Variants in GABRB2 observed in about 807,000 individuals in gnomAD.
The protein encoded by GABRB2 is gamma-aminobutyric acid receptor subunit beta-2.
A neutral mutation model predicts 54.7 loss-of-function variants in GABRB2; 16 were observed. That is an observed-to-expected ratio of 0.29 (90% CI 0.20 to 0.44). GABRB2 has a LOEUF of 0.44. GABRB2 is among the 20% of genes least tolerant of loss of function. The pLI, the probability that GABRB2 is intolerant of heterozygous loss-of-function variation, is 1.00. For missense variants in GABRB2, 355 were observed against 644.0 expected, an observed-to-expected ratio of 0.55 and a Z score of 4.86; for synonymous variants, 244 against 233.8, an observed-to-expected ratio of 1.04 and a Z score of -0.40.
intron 4 of GABRB2, among the ~76,000 whole-genome samples, chr5:161,457,532 G>A (rs865789052): frequency 8.8e-5 from 13 of 147,720 alleles, no homozygotes; most frequent in African/African-American, 3.0e-4. Context: ...TACAAGCTCC[G>A]CCTCCCAGGT....
At chr5:161,347,792 A>G (rs1272306338) in intron 5 of GABRB2, among the ~76,000 whole-genome samples, 1 of 152,130 alleles carries the variant, frequency 6.6e-6, no homozygotes, top group Non-Finnish European at 1.5e-5. Context: ...TTTGGGTTAG[A>G]TTAAAAAGTA....
intron 4 of GABRB2, among the ~76,000 whole-genome samples, chr5:161,456,056 C>T (rs745587419): frequency 1.1e-4 from 16 of 152,244 alleles, no homozygotes; most frequent in African/African-American, 3.8e-4. Flanking sequence ...CTTTGTTTGT[C>T]TTAATGGGAA....
chr5:161,395,987 T>C (rs1179452046), intron 5 of GABRB2, among the ~76,000 whole-genome samples: 3 of 152,232 alleles, frequency 2.0e-5, no homozygotes, highest in African/African-American at 7.2e-5. Context: ...GAGAAGTTTC[T>C]ATTTTCTGAT....
chr5:161,415,810 G>A (rs529318125), intron 4 of GABRB2, among the ~76,000 whole-genome samples: 1 of 151,972 alleles, frequency 6.6e-6, no homozygotes, highest in East Asian at 1.9e-4. Context: ...ATGGGGTTTC[G>A]CTATGTTGGC....
At chr5:161,520,087 C>T (rs1374888079) in intron 3 of GABRB2, among the ~76,000 whole-genome samples, 2 of 151,820 alleles carry the variant, frequency 1.3e-5, no homozygotes, top group Non-Finnish European at 2.9e-5. Context: ...AATTTAATAC[C>T]AAGTGAAATA....
In GABRB2 at chr5:161,293,342, T is replaced by G. The variant is rs1448550123; in HGVS notation, c.*739A>C. 2 of 152,282 alleles carry G rather than the reference T, an allele frequency of 1.3e-5. No individual in the cohort carries two copies. The highest frequency in any genetic ancestry group is 2.9e-5 in the Non-Finnish European group (2 of 68,090). 9.4% of individuals were successfully genotyped at this position (152,282 alleles called of 1,614,324 possible). A position where few individuals can be genotyped will look rare whatever the true frequency, so the allele number is the denominator to read the frequency against. On this transcript the variant is annotated 3_prime_UTR_variant, in exon 10 of 10. Transcript: ENST00000393959. ...TCGTTTCTGATTTTCTACTCTGCTCTGTGTTGTTAACTCTTACTTTAACCA... is the reference window on the plus strand; with the variant it reads ...TCGTTTCTGATTTTCTACTCTGCTCGGTGTTGTTAACTCTTACTTTAACCA...
chr5:161,403,002 G>A (rs543871018), intron 5 of GABRB2, among the ~76,000 whole-genome samples: 2 of 152,234 alleles, frequency 1.3e-5, no homozygotes, highest in South Asian at 2.1e-4. Context: ...GGTTGAGAAC[G>A]TATGCCCTAG....
intron 5 of GABRB2, among the ~76,000 whole-genome samples, chr5:161,366,843 A>T (rs1754987100): frequency 6.6e-6 from 1 of 152,092 alleles, no homozygotes; most frequent in Non-Finnish European, 1.5e-5. Flanking sequence ...GCTACTCAGG[A>T]AGGCTAAGGC....
chr5:161,335,056 A>C (rs961303592), intron 6 of GABRB2, 152 bp from the exon 7 acceptor site: 15 of 713,728 alleles, frequency 2.1e-5, no homozygotes, highest in Middle Eastern at 7.8e-4. Context: ...GAGAGCCCTG[A>C]GTTTCTAATT....
At chr5:161,506,869 GA>G (rs1759622383) in intron 3 of GABRB2, among the ~76,000 whole-genome samples, 1 of 152,000 alleles carries the variant, frequency 6.6e-6, no homozygotes, top group African/African-American at 2.4e-5. Flanking sequence ...AATAATGTTG[GA>G]AAATCAGTTA....
intron 3 of GABRB2, among the ~76,000 whole-genome samples, chr5:161,500,426 C>T (rs1215674253): frequency 1.3e-5 from 2 of 152,058 alleles, no homozygotes; most frequent in African/African-American, 4.8e-5. Context: ...GTAAATGGGC[C>T]TCCATTTGAT....
intron 3 of GABRB2, among the ~76,000 whole-genome samples, chr5:161,501,285 C>T (rs2113378588): frequency 6.9e-6 from 1 of 145,232 alleles, no homozygotes; most frequent in Non-Finnish European, 1.6e-5. Flanking sequence ...TGCTTTGTGA[C>T]AAGTCTTTGT....
chr5:161,320,060 T>C (rs1291913894), intron 9 of GABRB2, among the ~76,000 whole-genome samples: 2 of 151,830 alleles, frequency 1.3e-5, no homozygotes, highest in Non-Finnish European at 3.0e-5. Context: ...GTTTCCTTAA[T>C]AGCCTTTTCC....
chr5:161,300,026 T>C (rs1253875689), intron 9 of GABRB2, among the ~76,000 whole-genome samples: 2 of 152,218 alleles, frequency 1.3e-5, no homozygotes, highest in Non-Finnish European at 2.9e-5. Context: ...ACTGCTAAAC[T>C]GGCATCATTT....
intron 3 of GABRB2, among the ~76,000 whole-genome samples, chr5:161,490,991 G>A (rs183036374): frequency 2.1e-4 from 32 of 151,528 alleles, no homozygotes; most frequent in Admixed American, 1.8e-3. Flanking sequence ...CAATGCCATC[G>A]GTCCCTTCCT....
intron 9 of GABRB2, among the ~76,000 whole-genome samples, chr5:161,311,901 G>T (rs1315744874): frequency 1.3e-5 from 2 of 152,126 alleles, no homozygotes; most frequent in Non-Finnish European, 2.9e-5. Context: ...ATGACTATAG[G>T]ATTTATAAAA....
intron 4 of GABRB2, among the ~76,000 whole-genome samples, chr5:161,431,820 T>C (rs150388965): frequency 2.8e-4 from 42 of 152,312 alleles, no homozygotes; most frequent in African/African-American, 9.6e-4. Context: ...ATTTTCTTAA[T>C]TCCGGATAAC....
At chr5:161,436,154 T>C (rs1002036162) in intron 4 of GABRB2, among the ~76,000 whole-genome samples, 1 of 152,214 alleles carries the variant, frequency 6.6e-6, no homozygotes, top group African/African-American at 2.4e-5. Flanking sequence ...TGTGTAAAAA[T>C]AGCCACCTCT....
chr5:161,435,676 G>C (rs886985385), intron 4 of GABRB2, among the ~76,000 whole-genome samples: 1 of 152,162 alleles, frequency 6.6e-6, no homozygotes, highest in South Asian at 2.1e-4. Flanking sequence ...GTACAGGATG[G>C]TGGGCAGAGG....
Sources: allele counts gnomAD v4.1 joint callset (sites outside exome capture counted in the v4.1 genomes callset), GRCh38; gene constraint gnomAD v4.1.1; transcripts MANE v1.5; gene names NCBI Gene and HGNC (gene_info 2026-07-23, HGNC 2026-07-21).